The following PCDHGB3 variants were observed in gnomAD, a reference collection of about 807,000 sequenced individuals.
PCDHGB3 encodes protocadherin gamma subfamily B, 3.
PCDHGB3 carries 40 observed loss-of-function variants against 59.2 expected under a neutral mutation model. The ratio of observed to expected loss-of-function variants is 0.68; its 90% CI spans 0.52 to 0.88. PCDHGB3 has a LOEUF of 0.88. PCDHGB3 is among the 40% of genes least tolerant of loss of function. The pLI, the probability that PCDHGB3 is intolerant of heterozygous loss-of-function variation, is 0.00. For missense variants in PCDHGB3, 1,309 were observed against 1,187.9 expected, an observed-to-expected ratio of 1.10 and a Z score of -1.50; for synonymous variants, 581 against 503.6, an observed-to-expected ratio of 1.15 and a Z score of -2.06.
intron 1 of PCDHGB3, chr5:141,375,548 T>C (rs748936121): frequency 1.1e-5 from 17 of 1,613,892 alleles, no homozygotes; most frequent in Non-Finnish European, 9.3e-6. Flanking sequence ...CCAAGTCTCC[T>C]ACTCACTGGC....
intron 1 of PCDHGB3, among the ~76,000 whole-genome samples, chr5:141,445,961 G>C (rs944876169): frequency 6.6e-6 from 1 of 152,158 alleles, no homozygotes; most frequent in Non-Finnish European, 1.5e-5. Flanking sequence ...GCTATATGGA[G>C]AATTGATTTA....
intron 1 of PCDHGB3, chr5:141,418,451 A>AG (rs2096259161): frequency 3.1e-6 from 5 of 1,614,046 alleles, no homozygotes; most frequent in Non-Finnish European, 4.2e-6. Context: ...AGTATTGCAG[A>AG]AGACTCTGGA....
chr5:141,387,788 A>G, intron 1 of PCDHGB3: 2 of 1,487,916 alleles, frequency 1.3e-6, no homozygotes, highest in Non-Finnish European at 1.8e-6. Flanking sequence ...TGGAACTGCA[A>G]CTAAAGTCCG....
intron 1 of PCDHGB3, among the ~76,000 whole-genome samples, chr5:141,456,876 T>C (rs188356008): frequency 1.5e-3 from 222 of 152,196 alleles, no homozygotes; most frequent in African/African-American, 5.2e-3. Flanking sequence ...GGCAGGAGAA[T>C]CGCTTGAACC....
At chr5:141,498,352 C>T (rs1439698389) in intron 2 of PCDHGB3, among the ~76,000 whole-genome samples, 1 of 151,772 alleles carries the variant, frequency 6.6e-6, no homozygotes, top group Non-Finnish European at 1.5e-5. Flanking sequence ...AAAGCCTATG[C>T]AAAAGCCTTG....
At chr5:141,392,160 T>C (rs1426961496) in intron 1 of PCDHGB3, 1 of 152,220 alleles carries the variant, frequency 6.6e-6, no homozygotes, top group Non-Finnish European at 1.5e-5. Context: ...TAAAACAATT[T>C]CTGAGTCAGT....
At chr5:141,436,439 A>G (rs1481744238) in intron 1 of PCDHGB3, among the ~76,000 whole-genome samples, 5 of 152,208 alleles carry the variant, frequency 3.3e-5, no homozygotes, top group African/African-American at 1.2e-4. Flanking sequence ...TCTGGGGATT[A>G]CCTGATACCA....
intron 1 of PCDHGB3, chr5:141,418,398 T>C (rs754177868): frequency 6.2e-7 from 1 of 1,613,842 alleles, no homozygotes; most frequent in South Asian, 1.1e-5. Flanking sequence ...TATTTCTCAT[T>C]GGTGGAGAAA....
chr5:141,458,702 T>G (rs1333580253), intron 1 of PCDHGB3, among the ~76,000 whole-genome samples: 1 of 152,102 alleles, frequency 6.6e-6, no homozygotes, highest in East Asian at 1.9e-4. Context: ...CCCGAGTAGC[T>G]GGGATTACAG....
intron 1 of PCDHGB3, among the ~76,000 whole-genome samples, chr5:141,451,365 G>C (rs557753113): frequency 2.0e-5 from 3 of 152,116 alleles, no homozygotes; most frequent in Non-Finnish European, 4.4e-5. Context: ...GGATGGATCC[G>C]CTTCTAATCT....
chr5:141,479,928 C>T (rs1309777916), intron 1 of PCDHGB3, among the ~76,000 whole-genome samples: 1 of 152,222 alleles, frequency 6.6e-6, no homozygotes, highest in African/African-American at 2.4e-5. Flanking sequence ...CTCAGTGCAT[C>T]ATTGCTATCA....
At chr5:141,418,830 G>T (rs371820904) in intron 1 of PCDHGB3, 44 of 1,613,858 alleles carry the variant, frequency 2.7e-5, no homozygotes, top group Non-Finnish European at 3.6e-5. Flanking sequence ...GCAAAAGACC[G>T]AGGATCTCTC....
At chr5:141,398,387 G>T in intron 1 of PCDHGB3, 2 of 1,455,430 alleles carry the variant, frequency 1.4e-6, no homozygotes, top group Non-Finnish European at 1.9e-6. Context: ...TTGCTTGTGA[G>T]CAGCAGGCTA....
chr5:141,413,574 T>C (rs773380895), intron 1 of PCDHGB3: 12 of 1,613,714 alleles, frequency 7.4e-6, no homozygotes, highest in Admixed American at 1.7e-5. Flanking sequence ...TCAATGACAA[T>C]GCTCCAAAAT....
chr5:141,427,370 G>A (rs915167509), intron 1 of PCDHGB3: 17 of 457,836 alleles, frequency 3.7e-5, no homozygotes, highest in African/African-American at 2.4e-4. Flanking sequence ...AACCCTGGAC[G>A]GTGATCACTC....
At chr5:141,428,754 T>C (rs932377392) in intron 1 of PCDHGB3, 7 of 154,708 alleles carry the variant, frequency 4.5e-5, no homozygotes, top group African/African-American at 1.4e-4. Context: ...TTGCTTCAGG[T>C]TTGTTTGCCC....
intron 1 of PCDHGB3, chr5:141,387,731 C>A (rs909205011): frequency 6.4e-6 from 8 of 1,254,262 alleles, no homozygotes; most frequent in East Asian, 2.5e-5. Flanking sequence ...CCAGCGCCAG[C>A]CTTTACACCG....
Position 141,376,600 on chromosome 5 carries a change from G to C in PCDHGB3, c.2415+3791G>C, listed in dbSNP as rs1772879011. ...CTCATCAGCTAGATCGGCTGTTATAGAAGCGAACCTCTTTTGGTACAGGAA... is the reference window on the plus strand; with the variant it reads ...CTCATCAGCTAGATCGGCTGTTATACAAGCGAACCTCTTTTGGTACAGGAA... On this transcript the variant is annotated intron_variant, in intron 1 of 3. Transcript: ENST00000576222. The C allele has an allele frequency of 2.6e-6, 4 of 1,518,830 alleles. No homozygotes were observed. The African/African-American group carries it at 4.2e-5, about 16-fold the overall frequency. The allele number at this position is 1,518,830 out of a possible 1,614,324, so 94.1% of individuals were successfully genotyped here.
chr5:141,385,041 C>T, intron 1 of PCDHGB3: 1 of 1,614,174 alleles, frequency 6.2e-7, no homozygotes, highest in Non-Finnish European at 8.5e-7. Flanking sequence ...TGCTGGCGCT[C>T]AGGCTGCGGC....
Sources: allele counts gnomAD v4.1 joint callset (sites outside exome capture counted in the v4.1 genomes callset), GRCh38; gene constraint gnomAD v4.1.1; transcripts MANE v1.5; gene names NCBI Gene and HGNC (gene_info 2026-07-23, HGNC 2026-07-21).